The following TFAP2A variants were observed in gnomAD, a reference collection of about 807,000 sequenced individuals.
TFAP2A encodes the protein transcription factor AP-2-alpha.
In TFAP2A, 7 loss-of-function variants were observed where a neutral mutation model predicts 41.5. That is an observed-to-expected ratio of 0.17 (90% CI 0.10 to 0.32). The LOEUF (loss-of-function observed/expected upper bound fraction) is 0.32. Among genes scored for constraint, TFAP2A ranks in the 10% least tolerant of loss-of-function variants. TFAP2A has a pLI of 1.00. For missense variants in TFAP2A, 416 were observed against 563.3 expected (o/e 0.74, Z 2.65); for synonymous variants, 247 against 242.8 (o/e 1.02, Z -0.16).
Position 10,397,731 on chromosome 6 carries a change from T to C in TFAP2A, c.*686A>G, listed in dbSNP as rs2113994719. Reference sequence around the variant, plus strand: ...ATTAAATTACACATAAATAAATATATACAGAGACGTGAACACTGATTCCCT... The same window carrying C: ...ATTAAATTACACATAAATAAATATACACAGAGACGTGAACACTGATTCCCT... On this transcript the variant is annotated 3_prime_UTR_variant, in exon 7 of 7. Transcript: ENST00000379613. 3 of 373,742 alleles carry C rather than the reference T, an allele frequency of 8.0e-6. No homozygotes were observed. Among genetic ancestry groups the C allele is most frequent in the Non-Finnish European group, 1.1e-5 (3 of 270,760 alleles). The allele number at this position is 373,742 out of a possible 1,614,324, so 23.2% of individuals were successfully genotyped here.
At position 10,397,660 on chromosome 6, in the gene TFAP2A, T is replaced by TA. The variant is rs61569279; in HGVS notation, c.*756dup. On this transcript the variant is annotated 3_prime_UTR_variant, in exon 7 of 7. Coordinates refer to ENST00000379613, the MANE Select transcript of TFAP2A (RefSeq NM_001372066.1). ...CAAGAGGTAAACAAGATCAGATAAATAAAAAAAAAAAGGCTTAAAACAGAC... is the reference window on the plus strand; with the variant it reads ...CAAGAGGTAAACAAGATCAGATAAATAAAAAAAAAAAAGGCTTAAAACAGAC... The TA allele has an allele frequency of 0.31, 50,216 of 162,428 alleles. 9,190 individuals are homozygous for TA. The highest frequency in any genetic ancestry group is 0.57 in the African/African-American group (22,442 of 39,600). 10.1% of individuals were successfully genotyped at this position (162,428 alleles called of 1,614,324 possible).
chr6:10,398,735 C>G lies in TFAP2A; in HGVS notation c.1032-30G>C. The G allele has an allele frequency of 1.9e-6, 3 of 1,612,132 alleles. No individual in the cohort carries two copies. Among genetic ancestry groups the G allele is most frequent in the Non-Finnish European group, 2.5e-6 (3 of 1,178,984 alleles). On this transcript the variant is annotated intron_variant, in intron 6 of 6. Coordinates refer to ENST00000379613, the MANE Select transcript of TFAP2A (RefSeq NM_001372066.1). This position sits in a 1 kb window ranked among gnomAD's most constrained non-coding sequence, Gnocchi z 5.3. ...AGCACAAGTGGAGCAGAGAGAGAGA[C>G]ATAAGGCTCCACTATGGGCAGCACT...
At chr6:10,402,098 G>T (rs562317717) in intron 5 of TFAP2A, 1 of 363,038 alleles carries the variant, frequency 2.8e-6, no homozygotes, top group African/African-American at 2.1e-5. Context: ...AAATCAGGAC[G>T]CAGGTCAAAG....
chr6:10,404,580 A>G lies in TFAP2A; in HGVS notation c.698T>C (p.Val233Ala). Residue 233 changes from valine (V) to alanine (A), a missense_variant, in exon 4 of 7, where the codon GTG becomes GCG. By Grantham distance (64) the Val-to-Ala change is moderately conservative (BLOSUM62 0). Around this residue, in one of 3 missense-constraint regions of TFAP2A, gnomAD observed 59 missense variants for 135.4 expected, o/e 0.44. Transcript: ENST00000379613. The stretch of plus-strand genomic sequence containing the variant: ...TGAGAGCCGCCGCTGCACTTCCGCC[A>G]CCGTGACCTTGTACTTCGAGGTGGA... ...LSSTSKYKVT[V>A]AEVQRRLSPP... 1.2e-6 allele frequency: 2 copies of G among 1,614,142 alleles called. No individual in the cohort carries two copies. Among genetic ancestry groups the G allele is most frequent in the Non-Finnish European group, 1.7e-6 (2 of 1,180,006 alleles).
chr6:10,415,315 T>C, upstream of TFAP2A: 1 of 1,330,546 alleles, frequency 7.5e-7, no homozygotes, highest in South Asian at 1.5e-5. Flanking sequence ...ATCGCCTCAT[T>C]AGCATATCAA....
intron 1 of TFAP2A, among the ~76,000 whole-genome samples, chr6:10,411,258 C>T (rs569760036): frequency 6.6e-6 from 1 of 152,264 alleles, no homozygotes; most frequent in East Asian, 1.9e-4. Context: ...ATGTTGAGAA[C>T]ATCTCGGGGA....
At chr6:10,414,281 G>A (rs1385994480) in intron 1 of TFAP2A, among the ~76,000 whole-genome samples, 1 of 152,228 alleles carries the variant, frequency 6.6e-6, no homozygotes, top group Non-Finnish European at 1.5e-5. Flanking sequence ...GTAGCTCAGA[G>A]GGAGAAGCTA....
At position 10,398,267 on chromosome 6, in the gene TFAP2A, G is replaced by C; in HGVS notation, c.*150C>G. The C allele has an allele frequency of 6.4e-7, 1 of 1,557,152 alleles. No individual in the cohort carries two copies. Among genetic ancestry groups the C allele is most frequent in the Non-Finnish European group, 8.6e-7 (1 of 1,157,130 alleles). ...GAGGGCAGTCCCGGAGACTCGGGGGGACCCAAGGGCAGCGGCGGCGGCGGC... is the reference window on the plus strand; with the variant it reads ...GAGGGCAGTCCCGGAGACTCGGGGGCACCCAAGGGCAGCGGCGGCGGCGGC... On this transcript the variant is annotated 3_prime_UTR_variant, in exon 7 of 7. Transcript: ENST00000379613. The surrounding 1 kb of genome is among the most constrained non-coding windows in gnomAD (Gnocchi z 5.3).
At chr6:10,403,570 A>G (rs1474310466) in intron 4 of TFAP2A, among the ~76,000 whole-genome samples, 4 of 152,224 alleles carry the variant, frequency 2.6e-5, no homozygotes, top group Non-Finnish European at 5.9e-5. Flanking sequence ...TAAATGAATA[A>G]CAGTCAAAAC....
upstream of TFAP2A, chr6:10,415,257 T>C: frequency 2.8e-6 from 4 of 1,435,898 alleles, no homozygotes; most frequent in Non-Finnish European, 3.6e-6. Flanking sequence ...GAGATCTCCC[T>C]CTAATGGTAG....
At chr6:10,410,423 G>A (rs1353270489) in intron 1 of TFAP2A, 88 bp from the exon 2 acceptor site, 13 of 1,373,900 alleles carry the variant, frequency 9.5e-6, no homozygotes, top group Non-Finnish European at 1.3e-5. Context: ...ACAAGTCTGC[G>A]TGGGAAATCG....
chr6:10,417,149 C>A (rs1758274451), upstream of TFAP2A: 1 of 152,330 alleles, frequency 6.6e-6, no homozygotes, highest in African/African-American at 2.4e-5. Context: ...GGTTTTTACA[C>A]TCCGTAGACG....
In TFAP2A at chr6:10,409,882, T is replaced by C. The variant is rs1186977778; in HGVS notation, c.486+19A>G. The C allele has an allele frequency of 1.9e-6, 3 of 1,547,770 alleles. No individual in the cohort carries two copies. The highest frequency in any genetic ancestry group is 2.0e-5 in the Admixed American group (1 of 50,966). On this transcript the variant is annotated intron_variant, in intron 2 of 6. Coordinates refer to ENST00000379613, the MANE Select transcript of TFAP2A (RefSeq NM_001372066.1). ...TAGGGGGCTGTGTTCCCTCCCGCGC[T>C]GGTTGCGCGGCCTCTTACCGGGACC...
Position 10,410,010 on chromosome 6 carries a change from C to A in TFAP2A, c.377G>T (p.Arg126Leu), listed in dbSNP as rs763273543. 1 of 1,611,636 alleles carries A rather than the reference C, an allele frequency of 6.2e-7. No individual in the cohort carries two copies. The highest frequency in any genetic ancestry group is 8.5e-7 in the Non-Finnish European group (1 of 1,179,108). The change falls in exon 2 of 7, where the codon CGC becomes CTC. Residue 126 changes from arginine (R) to leucine (L), a missense_variant. By Grantham distance (102) the Arg-to-Leu change is moderately radical. This residue lies in a region of TFAP2A where 241 missense variants were observed against 274.1 expected (regional missense o/e 0.88). Coordinates refer to ENST00000379613, the MANE Select transcript of TFAP2A (RefSeq NM_001372066.1). ...LPHQLSGLDP[R>L]RDYRRHEDLL... ...GTCCTCGTGCCGCCTGTAGTCCCTGCGAGGATCCAGGCCCGACAGCTGGTG... is the reference window on the plus strand; with the variant it reads ...GTCCTCGTGCCGCCTGTAGTCCCTGAGAGGATCCAGGCCCGACAGCTGGTG...
chr6:10,398,544 G>A lies in TFAP2A; in HGVS notation c.1193C>T (p.Thr398Met), dbSNP rs1367388357. ...CTCGGTGAGATAGTTCTGCAGGGCC[G>A]TGACCGCGGCACACACCGCGGGGCT... ...FGSPAVCAAV[T>M]ALQNYLTEAL... Residue 398 changes from threonine (T) to methionine (M), a missense_variant, in exon 7 of 7, where the codon ACG becomes ATG. Coordinates refer to ENST00000379613, the MANE Select transcript of TFAP2A (RefSeq NM_001372066.1). The surrounding 1 kb of genome is among the most constrained non-coding windows in gnomAD (Gnocchi z 5.3). The A allele has an allele frequency of 6.2e-6, 10 of 1,614,232 alleles. No individual in the cohort carries two copies. The Middle Eastern group carries it at 1.3e-3, about 213-fold the overall frequency.
intron 6 of TFAP2A, among the ~76,000 whole-genome samples, chr6:10,399,896 GTCTCTCTCTCTC>G (rs140854143): frequency 6.7e-6 from 1 of 148,504 alleles, no homozygotes; most frequent in Non-Finnish European, 1.5e-5. Context: ...TGGGGTGTGG[GTCTCTCTCTCTC>G]TCTCTCTCTC....
upstream of TFAP2A, chr6:10,415,380 G>T: frequency 1.2e-6 from 1 of 808,808 alleles, no homozygotes; most frequent in Non-Finnish European, 1.7e-6. Flanking sequence ...CTCCGACACA[G>T]GTATAAAGGC....
At chr6:10,411,229 C>G (rs1457649187) in intron 1 of TFAP2A, among the ~76,000 whole-genome samples, 1 of 152,180 alleles carries the variant, frequency 6.6e-6, no homozygotes, top group Non-Finnish European at 1.5e-5. Context: ...ACTTTTCCTG[C>G]AGACAGTTTA....
At chr6:10,404,827 C>T (rs1757630416) in intron 3 of TFAP2A, 88 bp from the exon 4 acceptor site, 2 of 1,246,512 alleles carry the variant, frequency 1.6e-6, no homozygotes, top group Non-Finnish European at 1.2e-6. Context: ...CGGCCAGGGC[C>T]GGATCCCAGG....
Sources: gnomAD v4.1 joint callset for allele counts (sites outside exome capture counted in the v4.1 genomes callset) on GRCh38, gnomAD v4.1.1 for gene constraint, gnomAD v4.1.1 regional missense constraint, Gnocchi (gnomAD v3.1) non-coding constraint, MANE v1.5 for transcripts, NCBI Gene and HGNC (gene_info 2026-07-23, HGNC 2026-07-21) for gene names.